DRC9: variants seen among roughly 807,000 people sequenced by gnomAD.
DRC9 encodes dynein regulatory complex protein 9.
chr3:197,917,041 T>G, the DRC9 span, among the ~76,000 whole-genome samples: 2 of 152,092 alleles, frequency 1.3e-5, no homozygotes, highest in African/African-American at 4.8e-5. Flanking sequence ...CCCAACCTGG[T>G]GGGGTGGCTC....
the DRC9 span, among the ~76,000 whole-genome samples, chr3:197,920,853 T>C: frequency 6.6e-6 from 1 of 152,212 alleles, no homozygotes; most frequent in African/African-American, 2.4e-5. Flanking sequence ...TGTGACTCTT[T>C]CTTTTTGCTG....
chr3:197,914,858 GC>G, the DRC9 span, among the ~76,000 whole-genome samples: 1 of 152,100 alleles, frequency 6.6e-6, no homozygotes, highest in African/African-American at 2.4e-5. Flanking sequence ...GGACAGGTAA[GC>G]CCACCACATG....
the DRC9 span, among the ~76,000 whole-genome samples, chr3:197,948,160 T>C: frequency 6.6e-6 from 1 of 152,068 alleles, no homozygotes; most frequent in Non-Finnish European, 1.5e-5. Context: ...CTCAAACTCC[T>C]GACCTCAAGT....
chr3:197,889,529 A>G, the DRC9 span: 1 of 1,609,940 alleles, frequency 6.2e-7, no homozygotes. Flanking sequence ...AACTCTCTCC[A>G]AGTCCTTCCC....
the DRC9 span, among the ~76,000 whole-genome samples, chr3:197,904,235 A>G: frequency 2.0e-4 from 30 of 152,006 alleles, no homozygotes. Flanking sequence ...AATCAAAACT[A>G]CGAGACATCA....
chr3:197,912,340 C>T, the DRC9 span: 1 of 209,958 alleles, frequency 4.8e-6, no homozygotes, highest in Non-Finnish European at 9.5e-6. Context: ...GTGCCCAGCC[C>T]ATAAATTTGT....
chr3:197,914,468 G>T, the DRC9 span, among the ~76,000 whole-genome samples: 3 of 152,204 alleles, frequency 2.0e-5, no homozygotes, highest in Admixed American at 1.3e-4. Flanking sequence ...CCTGCCTGAA[G>T]TATCTCAGAG....
chr3:197,921,390 T>G, the DRC9 span, among the ~76,000 whole-genome samples: 5 of 6,716 alleles, frequency 7.4e-4, no homozygotes, highest in East Asian at 0.013. Flanking sequence ...ACTTGGTTTC[T>G]TCTTGGTCGA....
the DRC9 span, among the ~76,000 whole-genome samples, chr3:197,900,895 A>G: frequency 3.9e-5 from 6 of 152,206 alleles, no homozygotes; most frequent in Non-Finnish European, 8.8e-5. The surrounding 1 kb of genome is among the most constrained non-coding windows in gnomAD (Gnocchi z 4.7). Flanking sequence ...AGGATTCATC[A>G]TCTACTGACG....
At chr3:197,930,418 G>A in the DRC9 span, among the ~76,000 whole-genome samples, 1 of 151,660 alleles carries the variant, frequency 6.6e-6, no homozygotes, top group African/African-American at 2.4e-5. Context: ...TAAACACAAG[G>A]GTTAGAAGAT....
At chr3:197,937,668 CAG>C in the DRC9 span, among the ~76,000 whole-genome samples, 1 of 152,062 alleles carries the variant, frequency 6.6e-6, no homozygotes, top group African/African-American at 2.4e-5. Context: ...TTAGTAGAGA[CAG>C]GGTTTCACTT....
At chr3:197,909,829 C>A in the DRC9 span, among the ~76,000 whole-genome samples, 1 of 152,072 alleles carries the variant, frequency 6.6e-6, no homozygotes, top group African/African-American at 2.4e-5. Context: ...CCCATCTCTA[C>A]CAAAAATACA....
the DRC9 span, among the ~76,000 whole-genome samples, chr3:197,902,469 A>C: frequency 6.6e-6 from 1 of 152,152 alleles, no homozygotes; most frequent in Non-Finnish European, 1.5e-5. Flanking sequence ...AAGAAATTCA[A>C]GATAACACAG....
chr3:197,893,132 C>T, the DRC9 span, among the ~76,000 whole-genome samples: 4 of 151,804 alleles, frequency 2.6e-5, no homozygotes, highest in African/African-American at 7.3e-5. Context: ...CTGAAGTGGG[C>T]GGATCACCTG....
chr3:197,944,574 A>G, the DRC9 span, among the ~76,000 whole-genome samples: 36 of 151,872 alleles, frequency 2.4e-4, no homozygotes, highest in African/African-American at 8.5e-4. Flanking sequence ...TCAGCCTCCC[A>G]AGTAGCTGGG....
At chr3:197,911,016 G>A in the DRC9 span, among the ~76,000 whole-genome samples, 3 of 151,162 alleles carry the variant, frequency 2.0e-5, no homozygotes, top group African/African-American at 7.3e-5. Context: ...AAGACTCCAG[G>A]TAGACTTAGA....
At chr3:197,911,894 C>A in the DRC9 span, among the ~76,000 whole-genome samples, 1 of 152,118 alleles carries the variant, frequency 6.6e-6, no homozygotes, top group South Asian at 2.1e-4. Context: ...CTGGCCTCTG[C>A]CTCCCAAAGT....
chr3:197,890,404 CAAAAAAAAA>C, the DRC9 span, among the ~76,000 whole-genome samples: 1 of 123,990 alleles, frequency 8.1e-6, no homozygotes, highest in African/African-American at 2.9e-5. Flanking sequence ...GATGCTGTCT[CAAAAAAAAA>C]AAAAAGAAAA....
chr3:197,932,276 T>C, the DRC9 span: 3 of 1,611,236 alleles, frequency 1.9e-6, no homozygotes, highest in Non-Finnish European at 2.5e-6. Context: ...CTTAATGGTA[T>C]CTGCAATCAC....
Sources: gnomAD v4.1 joint callset for allele counts (sites outside exome capture counted in the v4.1 genomes callset) on GRCh38, gnomAD v4.1.1 for gene constraint, Gnocchi (gnomAD v3.1) non-coding constraint, MANE v1.5 for transcripts, NCBI Gene and HGNC (gene_info 2026-07-23, HGNC 2026-07-21) for gene names.